The following GPHN variants were observed in gnomAD, a reference collection of about 807,000 sequenced individuals.
GPHN encodes gephyrin.
Under a neutral mutation model 95.5 loss-of-function variants are expected in GPHN, and 17 were observed. The ratio of observed to expected loss-of-function variants is 0.18; its 90% confidence interval spans 0.12 to 0.27. GPHN has a LOEUF of 0.27. Ranked by LOEUF, GPHN falls within the 10% of genes least tolerant of loss-of-function variation. The pLI is 1.00. For synonymous variants in GPHN, 320 were observed against 322.5 expected, an observed-to-expected ratio of 0.99 and a Z score of 0.08; for missense variants, 660 against 978.1, an observed-to-expected ratio of 0.67 and a Z score of 4.34.
At chr14:66,807,026 C>G (rs116841264) in intron 3 of GPHN, among the ~76,000 whole-genome samples, 1 of 152,052 alleles carries the variant, frequency 6.6e-6, no homozygotes, top group Non-Finnish European at 1.5e-5. Context: ...TTTACAAAAA[C>G]ATTAAAAAAA....
chr14:66,520,661 G>A (rs902441996), intron 1 of GPHN, among the ~76,000 whole-genome samples: 12 of 150,886 alleles, frequency 8.0e-5, no homozygotes, highest in Non-Finnish European at 1.6e-4. Context: ...ATAGTTTCAT[G>A]TTTCCCCTTC....
At chr14:66,598,095 A>G (rs894799422) in intron 1 of GPHN, among the ~76,000 whole-genome samples, 1 of 152,166 alleles carries the variant, frequency 6.6e-6, no homozygotes, top group Non-Finnish European at 1.5e-5. Context: ...CCTCATAGAA[A>G]CAGTGAAATG....
At chr14:67,444,365 A>T in the GPHN span, among the ~76,000 whole-genome samples, 2 of 152,180 alleles carry the variant, frequency 1.3e-5, no homozygotes, top group African/African-American at 4.8e-5. Flanking sequence ...TTTTCAGTGG[A>T]GGAGAGTGGC....
At chr14:66,959,433 A>C (rs900058065) in intron 8 of GPHN, among the ~76,000 whole-genome samples, 1 of 152,064 alleles carries the variant, frequency 6.6e-6, no homozygotes, top group Admixed American at 6.6e-5. Flanking sequence ...CTCCCTTTAG[A>C]ATTTTTTTGT....
intron 1 of GPHN, among the ~76,000 whole-genome samples, chr14:66,583,100 CATT>C (rs1039794953): frequency 3.7e-4 from 56 of 151,720 alleles, no homozygotes; most frequent in African/African-American, 1.3e-3. Flanking sequence ...GATGGTATCT[CATT>C]GTGGTTTTGA....
chr14:66,588,499 T>C (rs1393886166), intron 1 of GPHN, among the ~76,000 whole-genome samples: 1 of 151,970 alleles, frequency 6.6e-6, no homozygotes, highest in Non-Finnish European at 1.5e-5. Context: ...GAAAAAAAGT[T>C]AGATGAATTG....
the GPHN span, among the ~76,000 whole-genome samples, chr14:67,664,043 C>A: frequency 3.9e-5 from 6 of 152,188 alleles, no homozygotes; most frequent in Non-Finnish European, 8.8e-5. Context: ...TGGAAATCTA[C>A]ACATAATCTA....
At chr14:66,888,159 A>G (rs1481610836) in intron 5 of GPHN, among the ~76,000 whole-genome samples, 1 of 152,244 alleles carries the variant, frequency 6.6e-6, no homozygotes, top group Non-Finnish European at 1.5e-5. Context: ...GCGAATACCC[A>G]AAAGAGAAGA....
intron 10 of GPHN, among the ~76,000 whole-genome samples, chr14:67,048,076 A>T (rs1383204544): frequency 1.3e-5 from 2 of 152,216 alleles, no homozygotes; most frequent in Admixed American, 6.5e-5. Flanking sequence ...CCACACCACA[A>T]AAAAAGGTTA....
rs139044204 is a variant in GPHN at position 66,751,942 on chromosome 14, C to G, written c.144-24522C>G. Among the ~76,000 whole-genome samples the G allele has an allele frequency of 5.5e-3, 833 of 152,180 alleles. 2 individuals are homozygous for G. The highest frequency in any genetic ancestry group is 0.019 in the African/African-American group (795 of 41,530). On this transcript the variant is annotated intron_variant, in intron 2 of 22. Transcript: ENST00000478722. ...TTGAAATTCTGTTATATAGAATAGCCACCTTCATCAATGATCTTAGCTAGA... is the reference window on the plus strand; with the variant it reads ...TTGAAATTCTGTTATATAGAATAGCGACCTTCATCAATGATCTTAGCTAGA...
At chr14:67,203,111 A>G in the GPHN span, 6 of 1,613,176 alleles carry the variant, frequency 3.7e-6, no homozygotes, top group East Asian at 1.3e-4. Flanking sequence ...GAAGAGGTGA[A>G]TCCATTTACC....
the GPHN span, chr14:67,338,536 A>C: frequency 0.07 from 96,479 of 1,372,194 alleles, 11,132 homozygotes; most frequent in East Asian, 0.41. Context: ...GCCAAAAAAT[A>C]AATAGCCACA....
intron 17 of GPHN, among the ~76,000 whole-genome samples, chr14:67,128,941 A>G (rs1049860895): frequency 1.3e-5 from 2 of 151,882 alleles, no homozygotes; most frequent in South Asian, 2.1e-4. Flanking sequence ...CAGCCTCCCA[A>G]GTAGCTGGGA....
At chr14:67,609,225 T>C in the GPHN span, among the ~76,000 whole-genome samples, 1 of 152,170 alleles carries the variant, frequency 6.6e-6, no homozygotes, top group Non-Finnish European at 1.5e-5. Flanking sequence ...GGCTGTGACA[T>C]CTGTGCCACT....
At position 66,680,512 on chromosome 14, in the gene GPHN, A is replaced by T. The variant is rs558054568; in HGVS notation, c.65-595A>T. 2.7e-3 allele frequency among the ~76,000 whole-genome samples: 404 copies of T among 152,290 alleles called. 1 individual carries two copies. Among genetic ancestry groups the T allele is most frequent in the Non-Finnish European group, 3.8e-3 (259 of 68,024 alleles). ...GGGAGAAAACTGTCTGTAATTTTGGACTTCATCAGATTCCAGTTTTTCATG... is the reference window on the plus strand; with the variant it reads ...GGGAGAAAACTGTCTGTAATTTTGGTCTTCATCAGATTCCAGTTTTTCATG... On this transcript the variant is annotated intron_variant, in intron 1 of 22. Coordinates refer to ENST00000478722, the MANE Select transcript of GPHN (RefSeq NM_020806.5).
the GPHN span, among the ~76,000 whole-genome samples, chr14:67,527,765 TAC>T: frequency 1.3e-5 from 2 of 152,228 alleles, no homozygotes; most frequent in Admixed American, 1.3e-4. Flanking sequence ...GCTTCTATTT[TAC>T]AGTTAGGTGA....
the GPHN span, among the ~76,000 whole-genome samples, chr14:67,243,353 A>G: frequency 7.3e-5 from 11 of 151,576 alleles, no homozygotes; most frequent in South Asian, 2.1e-3. Flanking sequence ...ACACCTGGCT[A>G]ATTTTTGTAT....
Position 66,671,532 on chromosome 14 carries a change from G to A in GPHN, c.65-9575G>A, listed in dbSNP as rs189607792. On this transcript the variant is annotated intron_variant, in intron 1 of 22. Transcript: ENST00000478722. ...TGTTTGCAGTTGTTAAATGACTATC[G>A]TAATATAAGTTTTGCATATAATCAT... Among the ~76,000 whole-genome samples the A allele has an allele frequency of 1.0e-3, 158 of 152,234 alleles. 2 individuals carry two copies. The highest frequency in any genetic ancestry group is 3.4e-3 in the Middle Eastern group (1 of 294).
chr14:66,555,292 T>C (rs2059964847), intron 1 of GPHN, among the ~76,000 whole-genome samples: 1 of 152,222 alleles, frequency 6.6e-6, no homozygotes, highest in Non-Finnish European at 1.5e-5. Context: ...TTAAGTTCTA[T>C]AATATTACTG....
Sources: allele counts gnomAD v4.1 joint callset (sites outside exome capture counted in the v4.1 genomes callset), GRCh38; gene constraint gnomAD v4.1.1; transcripts MANE v1.5; gene names NCBI Gene and HGNC (gene_info 2026-07-23, HGNC 2026-07-21).